The following NXPE4 variants were observed in gnomAD, a reference collection of about 807,000 sequenced individuals.
The protein encoded by NXPE4 is NXPE family member 4.
Under a neutral mutation model 33.3 loss-of-function variants are expected in NXPE4, and 42 were observed. The observed-to-expected ratio is 1.26, with a 90% CI of 0.98 to 1.63. NXPE4 has a LOEUF of 1.63. NXPE4 is among the 40% of genes most tolerant of loss of function. The probability of loss-of-function intolerance (pLI) is 0.00; values close to 1 mark genes in which losing one functional copy is unlikely to be tolerated. For missense variants in NXPE4, 709 were observed against 647.6 expected, an observed-to-expected ratio of 1.09 and a Z score of -1.03; for synonymous variants, 253 against 234.9, an observed-to-expected ratio of 1.08 and a Z score of -0.71.
the NXPE4 span, among the ~76,000 whole-genome samples, chr11:114,608,388 C>A: frequency 6.6e-6 from 1 of 151,926 alleles, no homozygotes. Flanking sequence ...TAAGTGTTGC[C>A]TCATGGGTAA....
chr11:114,601,464 T>C, the NXPE4 span, among the ~76,000 whole-genome samples: 1 of 122,920 alleles, frequency 8.1e-6, no homozygotes, highest in South Asian at 2.2e-4. Context: ...TTATATATAA[T>C]ATAAAATTTA....
chr11:114,637,851 T>G, the NXPE4 span, among the ~76,000 whole-genome samples: 1 of 152,088 alleles, frequency 6.6e-6, no homozygotes, highest in Non-Finnish European at 1.5e-5. Context: ...TCTGATGGGC[T>G]TCCCTTTGAG....
At chr11:114,581,485 G>A (rs560364179) in intron 4 of NXPE4, among the ~76,000 whole-genome samples, 11 of 152,186 alleles carry the variant, frequency 7.2e-5, no homozygotes, top group African/African-American at 1.7e-4. Context: ...AAATGGGCAG[G>A]GAATTCACTG....
At chr11:114,594,540 GT>G in intron 2 of NXPE4, 123 bp downstream of exon 2, 2 of 672,762 alleles carry the variant, frequency 3.0e-6, no homozygotes, top group Non-Finnish European at 5.3e-6. Context: ...ATGTTGTTTG[GT>G]ATCTAGCTAT....
At chr11:114,583,353 G>A (rs1949201690) in intron 2 of NXPE4, 7 of 620,030 alleles carry the variant, frequency 1.1e-5, no homozygotes, top group Non-Finnish European at 1.5e-5. Flanking sequence ...AATCCTCACT[G>A]AATCTGCGTG....
intron 2 of NXPE4, among the ~76,000 whole-genome samples, chr11:114,588,205 G>A (rs1949354417): frequency 6.6e-6 from 1 of 152,092 alleles, no homozygotes; most frequent in Non-Finnish European, 1.5e-5. Context: ...CCCTCCAGCT[G>A]TGCCATCAGG....
the NXPE4 span, among the ~76,000 whole-genome samples, chr11:114,657,132 G>A: frequency 2.0e-5 from 3 of 151,996 alleles, no homozygotes; most frequent in African/African-American, 4.8e-5. Flanking sequence ...TTTTAGTTCC[G>A]GATTGTACTA....
chr11:114,647,323 T>G, the NXPE4 span, among the ~76,000 whole-genome samples: 1 of 152,298 alleles, frequency 6.6e-6, no homozygotes, highest in South Asian at 2.1e-4. Context: ...TGGTATAAAG[T>G]TTTATAAAAT....
At chr11:114,607,635 G>A in the NXPE4 span, among the ~76,000 whole-genome samples, 1 of 151,712 alleles carries the variant, frequency 6.6e-6, no homozygotes, top group Non-Finnish European at 1.5e-5. Flanking sequence ...GATAAGTGTT[G>A]CCTCGCGGTT....
the NXPE4 span, among the ~76,000 whole-genome samples, chr11:114,677,690 C>T: frequency 6.6e-6 from 1 of 152,010 alleles, no homozygotes; most frequent in African/African-American, 2.4e-5. Context: ...TGCAAACAAA[C>T]AAATGCTATG....
the NXPE4 span, among the ~76,000 whole-genome samples, chr11:114,610,185 T>C: frequency 6.6e-6 from 1 of 151,888 alleles, no homozygotes; most frequent in Non-Finnish European, 1.5e-5. Context: ...ATAATAAGTA[T>C]TGCCACGTGG....
At chr11:114,628,076 C>T in the NXPE4 span, among the ~76,000 whole-genome samples, 2 of 149,258 alleles carry the variant, frequency 1.3e-5, no homozygotes, top group African/African-American at 5.0e-5. Context: ...TAATGGGAGA[C>T]TTTAACACCC....
At chr11:114,642,792 C>G in the NXPE4 span, among the ~76,000 whole-genome samples, 3 of 152,126 alleles carry the variant, frequency 2.0e-5, no homozygotes, top group South Asian at 6.2e-4. Flanking sequence ...ACTGGGCTTG[C>G]TGGGTCAAAT....
the NXPE4 span, among the ~76,000 whole-genome samples, chr11:114,676,583 G>A: frequency 6.6e-6 from 1 of 151,962 alleles, no homozygotes; most frequent in South Asian, 2.1e-4. Context: ...CTGTTAGTAT[G>A]GTTATTATCA....
At chr11:114,670,890 AG>A in the NXPE4 span, among the ~76,000 whole-genome samples, 1 of 151,720 alleles carries the variant, frequency 6.6e-6, no homozygotes, top group Non-Finnish European at 1.5e-5. Context: ...CGCCTCTGAG[AG>A]GGCCAAGTTG....
the NXPE4 span, among the ~76,000 whole-genome samples, chr11:114,632,622 T>G: frequency 9.9e-6 from 1 of 101,044 alleles, no homozygotes; most frequent in African/African-American, 4.1e-5. Context: ...TTATATATAT[T>G]TATATATAAT....
the NXPE4 span, among the ~76,000 whole-genome samples, chr11:114,638,802 G>A: frequency 6.6e-6 from 1 of 151,996 alleles, no homozygotes; most frequent in Non-Finnish European, 1.5e-5. Context: ...CGTGAATGCT[G>A]CTGTCTGATT....
At chr11:114,583,948 T>G (rs745407965) in intron 2 of NXPE4, 3 of 390,562 alleles carry the variant, frequency 7.7e-6, no homozygotes, top group Non-Finnish European at 1.5e-5. Flanking sequence ...TAGATGGGAT[T>G]GATGATGAGT....
intron 5 of NXPE4, among the ~76,000 whole-genome samples, chr11:114,576,802 A>G (rs899631202): frequency 6.6e-6 from 1 of 151,852 alleles, no homozygotes; most frequent in Non-Finnish European, 1.5e-5. Context: ...AACTAAAAAC[A>G]GATCTACCAT....
Sources: gnomAD v4.1 joint callset for allele counts (sites outside exome capture counted in the v4.1 genomes callset) on GRCh38, gnomAD v4.1.1 for gene constraint, MANE v1.5 for transcripts, NCBI Gene and HGNC (gene_info 2026-07-23, HGNC 2026-07-21) for gene names.